CCDC148: variants seen among roughly 807,000 people sequenced by gnomAD.
The protein encoded by CCDC148 is coiled-coil domain containing 148.
In CCDC148, 89 loss-of-function variants were observed where a neutral mutation model predicts 85.7. The ratio of observed to expected loss-of-function variants is 1.04; its 90% CI spans 0.87 to 1.24. The LOEUF is 1.24. Ranked by LOEUF, CCDC148 falls within the 50% of genes most tolerant of loss-of-function variation. CCDC148 has a pLI of 0.00. For missense variants in CCDC148, 692 were observed against 671.7 expected (o/e 1.03, Z -0.33); for synonymous variants, 230 against 213.9 (o/e 1.08, Z -0.66).
intron 1 of CCDC148, among the ~76,000 whole-genome samples, chr2:158,417,939 A>C (rs180877005): frequency 2.5e-4 from 38 of 152,316 alleles, no homozygotes; most frequent in Non-Finnish European, 3.7e-4. Context: ...TGCTCTTATA[A>C]AACTTTGGCA....
chr2:158,323,500 A>G (rs1692615617), intron 7 of CCDC148, among the ~76,000 whole-genome samples: 2 of 152,216 alleles, frequency 1.3e-5, no homozygotes, highest in Admixed American at 6.5e-5. Context: ...AGCTTTTATC[A>G]TATTTCTATG....
intron 1 of CCDC148, among the ~76,000 whole-genome samples, chr2:158,391,925 G>C (rs1685326122): frequency 6.6e-6 from 1 of 152,104 alleles, no homozygotes; most frequent in African/African-American, 2.4e-5. Context: ...ATCTGAAAAA[G>C]AGGAGGCAGT....
chr2:158,303,824 T>A (rs557706646), intron 9 of CCDC148, among the ~76,000 whole-genome samples: 2 of 152,298 alleles, frequency 1.3e-5, no homozygotes, highest in Non-Finnish European at 2.9e-5. Context: ...GTGGCCTTGA[T>A]TCAGTGGCTA....
At position 158,324,263 on chromosome 2, in the gene CCDC148, C is replaced by CT. The variant is rs1193005510; in HGVS notation, c.765-10370dup. 8.6e-5 allele frequency among the ~76,000 whole-genome samples: 13 copies of CT among 151,918 alleles called. No homozygotes were observed. The East Asian group carries it at 2.1e-3, about 25-fold the overall frequency. ...TTATTTGGGTGAATAACATTTCAGT[C>CT]TTTTTTCTGTGGCTATATATAGATG... is the stretch of plus-strand genomic sequence containing the variant. On this transcript the variant is annotated intron_variant, in intron 7 of 13. Transcript: ENST00000283233.
chr2:158,198,653 G>T (rs1019153605), intron 11 of CCDC148, among the ~76,000 whole-genome samples: 1 of 152,132 alleles, frequency 6.6e-6, no homozygotes, highest in African/African-American at 2.4e-5. Flanking sequence ...TACTTGAAAT[G>T]GCTTCAAGGT....
At chr2:158,279,356 G>T (rs1021462824) in intron 9 of CCDC148, among the ~76,000 whole-genome samples, 6 of 152,048 alleles carry the variant, frequency 3.9e-5, no homozygotes, top group African/African-American at 1.4e-4. Context: ...CAAACCAAAG[G>T]CAAAGAAGTT....
At chr2:158,444,847 C>T (rs1688095016) in intron 1 of CCDC148, among the ~76,000 whole-genome samples, 1 of 141,540 alleles carries the variant, frequency 7.1e-6, no homozygotes, top group African/African-American at 2.6e-5. Context: ...GGTGATTATG[C>T]TATCTATGGG....
intron 1 of CCDC148, among the ~76,000 whole-genome samples, chr2:158,427,628 AG>A (rs1406798808): frequency 1.3e-5 from 2 of 152,004 alleles, no homozygotes; most frequent in African/African-American, 4.8e-5. Context: ...CCAACACTTT[AG>A]GGGGCTGAGG....
At position 158,172,128 on chromosome 2, in the gene CCDC148, A is replaced by G; in HGVS notation, c.1761T>C (p.Thr587=). ...QKPPRKDMES[T]VFKI is the part of the protein sequence containing the mutation. ...AGGATGAGCTCTATATTTTAAATAC[A>G]GTAGACTCCATGTCCTTTCTTGGAG... The change falls in exon 14 of 14, where the codon ACT becomes ACC. Residue 587 remains threonine, a synonymous_variant. Coordinates refer to ENST00000283233, the MANE Select transcript of CCDC148 (RefSeq NM_138803.4). 2 of 1,605,426 alleles carry G rather than the reference A, an allele frequency of 1.2e-6. No individual in the cohort carries two copies. The highest frequency in any genetic ancestry group is 1.7e-6 in the Non-Finnish European group (2 of 1,175,976).
chr2:158,268,430 C>A (rs916573908), intron 9 of CCDC148, among the ~76,000 whole-genome samples: 1 of 151,996 alleles, frequency 6.6e-6, no homozygotes, highest in East Asian at 1.9e-4. Context: ...TCCTCTATAC[C>A]AAATTTTTAA....
Position 158,220,613 on chromosome 2 carries a change from G to T in CCDC148, c.1352C>A (p.Ser451Ter), listed in dbSNP as rs1687125213. ...EELKKLIAEQ[S>*]LKDRERVKYR... is the part of the protein sequence containing the mutation. Reference sequence around the variant, plus strand: ...CTTTTACCTTTCTCTGTCTTTTAGTGACTGTTCAGCGATTAATTTCTTCAG... The same window carrying T: ...CTTTTACCTTTCTCTGTCTTTTAGTTACTGTTCAGCGATTAATTTCTTCAG... Residue 451 changes from serine to a stop codon, truncating the protein, a stop_gained, in exon 11 of 14, where the codon TCA (serine) becomes TAA (stop). Coordinates refer to ENST00000283233, the MANE Select transcript of CCDC148 (RefSeq NM_138803.4). LOFTEE classifies it high-confidence loss of function. 6.2e-7 allele frequency: 1 copy of T among 1,604,178 alleles called. No individual in the cohort carries two copies. The highest frequency in any genetic ancestry group is 1.7e-5 in the Admixed American group (1 of 58,060).
chr2:158,270,905 A>G (rs1025079292), intron 9 of CCDC148, among the ~76,000 whole-genome samples: 6 of 152,224 alleles, frequency 3.9e-5, no homozygotes, highest in African/African-American at 1.4e-4. Flanking sequence ...ATCAGAGGAT[A>G]GTTCCTGAAT....
At chr2:158,192,099 T>C (rs1318517345) in intron 11 of CCDC148, among the ~76,000 whole-genome samples, 1 of 152,080 alleles carries the variant, frequency 6.6e-6, no homozygotes, top group Non-Finnish European at 1.5e-5. Context: ...TGGACAGAGA[T>C]TCAGATGAAC....
chr2:158,176,620 T>C lies in CCDC148; in HGVS notation c.1530A>G (p.Ser510=), dbSNP rs1189771692. The C allele has an allele frequency of 6.2e-7, 1 of 1,612,292 alleles. No homozygotes were observed. The highest frequency in any genetic ancestry group is 1.1e-5 in the South Asian group (1 of 90,994). ...TTCTAGCTTTTGATGCCATTGTATC[T>C]GACATCATTCTAACAGGATCAAATT... is the stretch of plus-strand genomic sequence containing the variant. ...VAQFDPVRMM[S]DTMASKARMG... The change falls in exon 13 of 14, where the codon TCA becomes TCG. Residue 510 remains serine, a synonymous_variant. Transcript: ENST00000283233.
At chr2:158,435,436 T>A (rs1038800308) in intron 1 of CCDC148, among the ~76,000 whole-genome samples, 1 of 152,168 alleles carries the variant, frequency 6.6e-6, no homozygotes, top group East Asian at 1.9e-4. Context: ...CTGAGAGATT[T>A]TGCCACCACC....
At chr2:158,281,484 G>C (rs1690296744) in intron 9 of CCDC148, among the ~76,000 whole-genome samples, 1 of 152,098 alleles carries the variant, frequency 6.6e-6, no homozygotes, top group Non-Finnish European at 1.5e-5. Context: ...TACCATCAGA[G>C]AGTAGTACAA....
At chr2:158,176,461 T>C in intron 13 of CCDC148, 60 bp downstream of exon 13, 3 of 1,551,670 alleles carry the variant, frequency 1.9e-6, no homozygotes, top group Non-Finnish European at 2.6e-6. Context: ...AAACACACAC[T>C]TCTACAGTCC....
At chr2:158,408,598 C>T (rs776790490) in intron 1 of CCDC148, among the ~76,000 whole-genome samples, 1 of 152,072 alleles carries the variant, frequency 6.6e-6, no homozygotes, top group Admixed American at 6.6e-5. Flanking sequence ...TAAACACACA[C>T]ACACACATAC....
rs545586639 is a variant in CCDC148, at chr2:158,456,727, C to G, written c.-288G>C. 18 of 477,572 alleles carry G rather than the reference C, an allele frequency of 3.8e-5. No individual in the cohort carries two copies. The highest frequency in any genetic ancestry group is 3.1e-4 in the African/African-American group (16 of 51,212). The allele number at this position is 477,572 out of a possible 1,614,324, so 29.6% of individuals were successfully genotyped here. Reference sequence around the variant, plus strand: ...CTCACACCCACCCTCTCCAGGCCCTCTCGCGCTGAACAGCATCGGTCTCTA... The same window carrying G: ...CTCACACCCACCCTCTCCAGGCCCTGTCGCGCTGAACAGCATCGGTCTCTA... On this transcript the variant is annotated 5_prime_UTR_variant, in exon 1 of 14. Transcript: ENST00000283233.
Sources: allele counts gnomAD v4.1 joint callset (sites outside exome capture counted in the v4.1 genomes callset), GRCh38; gene constraint gnomAD v4.1.1; transcripts MANE v1.5; gene names NCBI Gene and HGNC (gene_info 2026-07-23, HGNC 2026-07-21).